The following EXTL2 variants were observed in gnomAD, a reference collection of about 807,000 sequenced individuals.
EXTL2 encodes the protein exostosin like glycosyltransferase 2.
EXTL2 carries 23 observed loss-of-function variants against 30.7 expected under a neutral mutation model. That is an observed-to-expected ratio of 0.75 (90% CI 0.54 to 1.06). The LOEUF (loss-of-function observed/expected upper bound fraction) is 1.06. Ranked by LOEUF, EXTL2 falls within the 50% of genes least tolerant of loss-of-function variation. The probability of loss-of-function intolerance (pLI) is 0.00; values close to 1 mark genes in which losing one functional copy is unlikely to be tolerated. For synonymous variants in EXTL2, 123 were observed against 133.8 expected (o/e 0.92, Z 0.56); for missense variants, 352 against 396.3 (o/e 0.89, Z 0.95).
chr1:100,888,548 G>C (rs1557960987), intron 2 of EXTL2: 1 of 373,990 alleles, frequency 2.7e-6, no homozygotes, highest in Non-Finnish European at 4.9e-6. Context: ...CAGGGGCTGG[G>C]AGTAGGAAGA....
At chr1:100,891,065 G>A (rs1184539480) in intron 1 of EXTL2, among the ~76,000 whole-genome samples, 1 of 152,222 alleles carries the variant, frequency 6.6e-6, no homozygotes, top group Non-Finnish European at 1.5e-5. Flanking sequence ...GACTGTAATT[G>A]TCATGAGTTT....
chr1:100,876,761 A>C, intron 4 of EXTL2, 33 bp downstream of exon 4: 1 of 1,535,474 alleles, frequency 6.5e-7, no homozygotes, highest in Non-Finnish European at 9.0e-7. Flanking sequence ...AGATCTTATA[A>C]AGACGGTTTC....
chr1:100,874,885 G>T (rs572525026), intron 4 of EXTL2, among the ~76,000 whole-genome samples: 1 of 151,972 alleles, frequency 6.6e-6, no homozygotes, highest in South Asian at 2.1e-4. Flanking sequence ...TTTTCATGTT[G>T]ATTTCGATGT....
chr1:100,882,284 C>G (rs1384730260), intron 2 of EXTL2, among the ~76,000 whole-genome samples: 1 of 152,178 alleles, frequency 6.6e-6, no homozygotes, highest in Non-Finnish European at 1.5e-5. Flanking sequence ...CTATTGCTAT[C>G]TAGTGGGTAG....
intron 1 of EXTL2, among the ~76,000 whole-genome samples, chr1:100,893,102 T>A (rs1159022272): frequency 6.6e-6 from 1 of 152,184 alleles, no homozygotes; most frequent in Admixed American, 6.5e-5. Flanking sequence ...CCTAATGCAA[T>A]TAGTTGGTAG....
At chr1:100,892,024 G>C (rs986935024) in intron 1 of EXTL2, among the ~76,000 whole-genome samples, 1 of 152,226 alleles carries the variant, frequency 6.6e-6, no homozygotes, top group African/African-American at 2.4e-5. Flanking sequence ...TTTATTTGGA[G>C]ATTAGGTATG....
intron 2 of EXTL2, among the ~76,000 whole-genome samples, chr1:100,883,295 T>C (rs572399221): frequency 9.8e-4 from 149 of 152,300 alleles, no homozygotes; most frequent in African/African-American, 3.5e-3. Context: ...TCACAGAGTT[T>C]TGCAACCATC....
rs1649183559 is a variant in EXTL2, at chr1:100,877,111, C to T, written c.434-247G>A. ...ATCCATCATCCTAGAAACTATTGGG[C>T]CTATAAATGAATAAAGCCAAGATTC... On this transcript the variant is annotated intron_variant, in intron 3 of 4. Transcript: ENST00000370114. The surrounding 1 kb of genome is among the most constrained non-coding windows in gnomAD (Gnocchi z 4.1). 6.6e-6 allele frequency among the ~76,000 whole-genome samples: 1 copy of T among 151,854 alleles called. No homozygotes were observed. Among genetic ancestry groups the T allele is most frequent in the South Asian group, 2.1e-4 (1 of 4,808 alleles).
rs1321976942 is a variant in EXTL2, at chr1:100,874,128, CAT to C, written c.805_806del (p.Met269GlyfsTer19). 2 of 1,612,970 alleles carry C rather than the reference CAT, an allele frequency of 1.2e-6. No homozygotes were observed. The highest frequency in any genetic ancestry group is 4.5e-5 in the East Asian group (2 of 44,842). On this transcript the variant is annotated frameshift_variant, in exon 5 of 5. Coordinates refer to ENST00000370114, the MANE Select transcript of EXTL2 (RefSeq NM_001033025.3). LOFTEE classifies it high-confidence loss of function. ...TSGIFVKPVN[M>X]DNLEKETNSG... ...TGTTGGTTTCTTTTTCCAAATTGTCCATGTTTACAGGCTTCACAAATATCCCT... is the reference window on the plus strand; with the variant it reads ...TGTTGGTTTCTTTTTCCAAATTGTCCGTTTACAGGCTTCACAAATATCCCT...
intron 1 of EXTL2, among the ~76,000 whole-genome samples, chr1:100,892,373 A>C (rs546461311): frequency 6.6e-6 from 1 of 152,236 alleles, no homozygotes; most frequent in South Asian, 2.1e-4. Context: ...TCAGGCTCCA[A>C]GTTCTTTGAC....
intron 4 of EXTL2, among the ~76,000 whole-genome samples, chr1:100,876,155 T>G (rs1451179851): frequency 6.6e-6 from 1 of 152,100 alleles, no homozygotes; most frequent in East Asian, 1.9e-4. Context: ...AGTACTTCCA[T>G]GCAGTTCCGG....
chr1:100,888,706 C>T (rs376846404), intron 2 of EXTL2, 47 bp downstream of exon 2: 15 of 1,056,738 alleles, frequency 1.4e-5, no homozygotes, highest in African/African-American at 6.3e-5. Flanking sequence ...TTGTGTTATA[C>T]GTATTTTACA....
intron 1 of EXTL2, among the ~76,000 whole-genome samples, chr1:100,894,231 T>A (rs1314934474): frequency 1.3e-5 from 2 of 152,172 alleles, no homozygotes; most frequent in Admixed American, 1.3e-4. Flanking sequence ...GAATTATTTA[T>A]CTTTAAACTA....
chr1:100,883,493 A>G (rs1020120845), intron 2 of EXTL2, among the ~76,000 whole-genome samples: 2 of 152,142 alleles, frequency 1.3e-5, no homozygotes, highest in African/African-American at 4.8e-5. Flanking sequence ...ATCATACAAT[A>G]TATGACCATT....
chr1:100,883,900 T>C (rs570334181), intron 2 of EXTL2, among the ~76,000 whole-genome samples: 112 of 152,280 alleles, frequency 7.4e-4, no homozygotes, highest in African/African-American at 2.6e-3. Flanking sequence ...AAATAATATA[T>C]AGTATATTAA....
intron 2 of EXTL2, among the ~76,000 whole-genome samples, chr1:100,883,713 G>A (rs1649745165): frequency 6.6e-6 from 1 of 152,014 alleles, no homozygotes; most frequent in Non-Finnish European, 1.5e-5. Flanking sequence ...GAACATTCAT[G>A]TACAAGTTTT....
chr1:100,888,838 TAAATC>T lies in EXTL2; in HGVS notation c.-71-15_-71-11del, dbSNP rs1290412373. The T allele has an allele frequency of 9.5e-7, 1 of 1,051,182 alleles. No individual in the cohort carries two copies. The highest frequency in any genetic ancestry group is 1.6e-5 in the African/African-American group (1 of 62,552). The allele number at this position is 1,051,182 out of a possible 1,614,324, so 65.1% of individuals were successfully genotyped here. ...GCAGGCTCACTTGTCACTATTAAGATAAATCAAAGAATTTTCTGTGATGTTTCTGT... is the reference window on the plus strand; with the variant it reads ...GCAGGCTCACTTGTCACTATTAAGATAAAGAATTTTCTGTGATGTTTCTGT... On this transcript the variant is annotated splice_polypyrimidine_tract_variant and intron_variant, in intron 1 of 4. Transcript: ENST00000370114.
rs1649246038 is a variant in EXTL2 at position 100,877,806 on chromosome 1, C to A, written c.103G>T (p.Ala35Ser). 2 of 1,607,820 alleles carry A rather than the reference C, an allele frequency of 1.2e-6. No homozygotes were observed. Among genetic ancestry groups the A allele is most frequent in the South Asian group, 1.1e-5 (1 of 91,062 alleles). Residue 35 changes from alanine (A) to serine (S), a missense_variant, in exon 3 of 5, where the codon GCT becomes TCT. Transcript: ENST00000370114. This position sits in a 1 kb window ranked among gnomAD's most constrained non-coding sequence, Gnocchi z 4.1. ...VILVLLLVAG[A>S]LTALLPSVKE... Reference sequence around the variant, plus strand: ...ACACTGGGAAGTAAGGCAGTCAAAGCACCAGCTACCAGTAATAATACGAGG... The same window carrying A: ...ACACTGGGAAGTAAGGCAGTCAAAGAACCAGCTACCAGTAATAATACGAGG...
chr1:100,881,930 C>A (rs1216760919), intron 2 of EXTL2, among the ~76,000 whole-genome samples: 2 of 152,198 alleles, frequency 1.3e-5, no homozygotes, highest in Non-Finnish European at 2.9e-5. Context: ...GGTAAGCAAG[C>A]ATTACCACCT....
Sources: allele counts gnomAD v4.1 joint callset (sites outside exome capture counted in the v4.1 genomes callset), GRCh38; gene constraint gnomAD v4.1.1; non-coding constraint Gnocchi (gnomAD v3.1); transcripts MANE v1.5; gene names NCBI Gene and HGNC (gene_info 2026-07-23, HGNC 2026-07-21).